NEIL3: variants seen among roughly 807,000 people sequenced by gnomAD.
NEIL3 encodes the protein nei like DNA glycosylase 3.
NEIL3 carries 48 observed loss-of-function variants against 57.5 expected under a neutral mutation model. The observed-to-expected ratio is 0.83, with a 90% CI of 0.66 to 1.06. The LOEUF (loss-of-function observed/expected upper bound fraction) is 1.06. Among genes scored for constraint, NEIL3 ranks in the 50% least tolerant of loss-of-function variants. The probability of loss-of-function intolerance (pLI) is 0.00; values close to 1 mark genes in which losing one functional copy is unlikely to be tolerated. For synonymous variants in NEIL3, 261 were observed against 253.2 expected (o/e 1.03, Z -0.29); for missense variants, 717 against 739.1 (o/e 0.97, Z 0.35).
intron 8 of NEIL3, among the ~76,000 whole-genome samples, chr4:177,354,731 C>T (rs973119430): frequency 6.6e-6 from 1 of 152,182 alleles, no homozygotes; most frequent in African/African-American, 2.4e-5. Context: ...ATCTGCCCAC[C>T]TCAGCCTTCC....
At chr4:177,348,338 G>A (rs1482019230) in intron 6 of NEIL3, among the ~76,000 whole-genome samples, 1 of 152,084 alleles carries the variant, frequency 6.6e-6, no homozygotes, top group Non-Finnish European at 1.5e-5. Flanking sequence ...CCTCTACCAG[G>A]TTGTTTCTGA....
At chr4:177,337,697 G>A (rs1356232581) in intron 4 of NEIL3, among the ~76,000 whole-genome samples, 2 of 152,222 alleles carry the variant, frequency 1.3e-5, no homozygotes, top group South Asian at 2.1e-4. Context: ...ATGCCTGGGG[G>A]TTTAAAAATT....
Position 177,339,816 on chromosome 4 carries a change from C to T in NEIL3, c.661C>T (p.Leu221Phe), listed in dbSNP as rs777771223. 8.7e-6 allele frequency: 14 copies of T among 1,613,790 alleles called. No homozygotes were observed. In the East Asian group the frequency reaches 3.1e-4, roughly 36 times the overall value. ...CQLTDEQIHH[L>F]MKMIRDFSIL... ...ATTAACAGATGAACAGATCCATCAC[C>T]TCATGAAAATGATACGTGATTTCAG... The change falls in exon 5 of 10, where the codon CTC becomes TTC. Residue 221 changes from leucine to phenylalanine, a missense_variant. By Grantham distance (22) the Leu-to-Phe change is conservative. Coordinates refer to ENST00000264596, the MANE Select transcript of NEIL3 (RefSeq NM_018248.3).
chr4:177,354,046 C>T, intron 8 of NEIL3: 1 of 242,502 alleles, frequency 4.1e-6, no homozygotes, highest in Non-Finnish European at 7.9e-6. Context: ...GATTTACAGG[C>T]TTGAGCCACC....
intron 5 of NEIL3, 51 bp downstream of exon 5, chr4:177,339,908 C>T: frequency 7.9e-7 from 1 of 1,272,208 alleles, no homozygotes; most frequent in African/African-American, 1.5e-5. Flanking sequence ...CAGTGGTTTC[C>T]TTTTGGAGTG....
At chr4:177,338,007 G>C (rs1735010115) in intron 4 of NEIL3, among the ~76,000 whole-genome samples, 1 of 141,092 alleles carries the variant, frequency 7.1e-6, no homozygotes, top group Non-Finnish European at 1.5e-5. Flanking sequence ...AACAGAGCGA[G>C]ACTCTGTCTC....
chr4:177,334,816 C>G (rs956539800), intron 2 of NEIL3, among the ~76,000 whole-genome samples: 1 of 152,192 alleles, frequency 6.6e-6, no homozygotes, highest in African/African-American at 2.4e-5. Flanking sequence ...ATGAACTCAA[C>G]AAAGCTATGA....
intron 6 of NEIL3, among the ~76,000 whole-genome samples, chr4:177,348,489 CA>C (rs1003144365): frequency 6.6e-6 from 1 of 152,100 alleles, no homozygotes; most frequent in African/African-American, 2.4e-5. Context: ...TTGAGGTCAC[CA>C]GGGCAATAGT....
At position 177,335,742 on chromosome 4, in the gene NEIL3, T is replaced by C. The variant is rs1734964506; in HGVS notation, c.333T>C (p.Tyr111=). The C allele has an allele frequency of 2.5e-6, 4 of 1,597,320 alleles. No individual in the cohort carries two copies. The highest frequency in any genetic ancestry group is 3.4e-6 in the Non-Finnish European group (4 of 1,174,050). The change falls in exon 3 of 10, where the codon TAT becomes TAC. Residue 111 remains tyrosine, a synonymous_variant. Transcript: ENST00000264596. ...TGATTAATCCACTTGAGTATAAATATAAAAATGGAGCTTCTCCTGTTTTGG... is the reference window on the plus strand; with the variant it reads ...TGATTAATCCACTTGAGTATAAATACAAAAATGGAGCTTCTCCTGTTTTGG... ...FIMINPLEYK[Y]KNGASPVLEV... is the part of the protein sequence containing the mutation.
At chr4:177,369,692 C>T in the NEIL3 span, among the ~76,000 whole-genome samples, 24 of 152,264 alleles carry the variant, frequency 1.6e-4, no homozygotes, top group Middle Eastern at 6.8e-3. Flanking sequence ...CTGCCGGTCC[C>T]AAGATCTGCA....
intron 2 of NEIL3, among the ~76,000 whole-genome samples, chr4:177,331,660 T>A (rs1446061285): frequency 6.6e-6 from 1 of 152,142 alleles, no homozygotes; most frequent in Non-Finnish European, 1.5e-5. Flanking sequence ...TTTTTTTGAA[T>A]CCTAGACATT....
intron 2 of NEIL3, among the ~76,000 whole-genome samples, chr4:177,333,208 A>T (rs917414983): frequency 6.6e-6 from 1 of 152,118 alleles, no homozygotes; most frequent in African/African-American, 2.4e-5. Flanking sequence ...GTTGTCATTA[A>T]TGTGAAACTG....
In NEIL3 at chr4:177,343,740, T is replaced by TTATATA. The variant is rs34272163; in HGVS notation, c.869+2109_869+2114dup. On this transcript the variant is annotated intron_variant, in intron 6 of 9. Transcript: ENST00000264596. Reference sequence around the variant, plus strand: ...ACATCTGAAATACATTTAGATAATTTTATATATATATATATAATACACACT... The same window carrying TTATATA: ...ACATCTGAAATACATTTAGATAATTTTATATATATATATATATATATAATACACACT... 2.0e-5 allele frequency: 3 copies of TTATATA among 150,484 alleles called. No individual in the cohort carries two copies. In the East Asian group the frequency reaches 5.8e-4, roughly 29 times the overall value. 9.3% of individuals were successfully genotyped at this position (150,484 alleles called of 1,614,324 possible).
At chr4:177,361,563 T>A (rs780804278) in intron 9 of NEIL3, among the ~76,000 whole-genome samples, 5 of 152,170 alleles carry the variant, frequency 3.3e-5, no homozygotes, top group African/African-American at 7.2e-5. Context: ...ACAGATTTCC[T>A]CCTCAAGAAG....
chr4:177,326,939 A>G (rs1734791675), intron 2 of NEIL3, among the ~76,000 whole-genome samples: 1 of 152,086 alleles, frequency 6.6e-6, no homozygotes, highest in African/African-American at 2.4e-5. Flanking sequence ...CCCAGATTTC[A>G]TCTTGAATTG....
At chr4:177,343,746 A>G (rs1578999823) in intron 6 of NEIL3, 1 of 151,550 alleles carries the variant, frequency 6.6e-6, no homozygotes, top group Admixed American at 6.6e-5. Context: ...AATTTTATAT[A>G]TATATATATA....
chr4:177,365,776 G>T (rs1458360779), downstream of NEIL3, among the ~76,000 whole-genome samples: 2 of 152,158 alleles, frequency 1.3e-5, no homozygotes, highest in African/African-American at 4.8e-5. Context: ...TAGCCTTTGT[G>T]AAAATTGGTT....
chr4:177,350,377 A>G (rs17064672), intron 6 of NEIL3, among the ~76,000 whole-genome samples: 2,279 of 152,326 alleles, frequency 0.015, 54 homozygotes, highest in African/African-American at 0.052. Flanking sequence ...ACTATGTCAC[A>G]GCCGTATAAA....
intron 6 of NEIL3, among the ~76,000 whole-genome samples, chr4:177,345,830 C>T (rs1204923970): frequency 6.6e-6 from 1 of 151,796 alleles, no homozygotes; most frequent in East Asian, 1.9e-4. Flanking sequence ...GCTGGAATCA[C>T]AGGTGCATGC....
Sources: allele counts gnomAD v4.1 joint callset (sites outside exome capture counted in the v4.1 genomes callset), GRCh38; gene constraint gnomAD v4.1.1; transcripts MANE v1.5; gene names NCBI Gene and HGNC (gene_info 2026-07-23, HGNC 2026-07-21).